SLC35F4: variants seen among roughly 807,000 people sequenced by gnomAD.
SLC35F4 encodes the protein solute carrier family 35 member F4, also known as chromosome 14 open reading frame 36.
A neutral mutation model predicts 44.2 loss-of-function variants in SLC35F4; 24 were observed. That is an observed-to-expected ratio of 0.54 (90% CI 0.39 to 0.76). The LOEUF is 0.76. Ranked by LOEUF, SLC35F4 falls within the 30% of genes least tolerant of loss-of-function variation. The probability of loss-of-function intolerance (pLI) is 0.00; values close to 1 mark genes in which losing one functional copy is unlikely to be tolerated. For missense variants in SLC35F4, 562 were observed against 586.1 expected (o/e 0.96, Z 0.42); for synonymous variants, 238 against 223.6 (o/e 1.06, Z -0.57).
chr14:57,849,919 A>G (rs1010292560), intron 1 of SLC35F4, among the ~76,000 whole-genome samples: 1 of 152,224 alleles, frequency 6.6e-6, no homozygotes, highest in African/African-American at 2.4e-5. Flanking sequence ...TTTGGAAACC[A>G]GTACGTCTTG....
chr14:57,818,129 A>G (rs558785816), intron 1 of SLC35F4, among the ~76,000 whole-genome samples: 16 of 152,220 alleles, frequency 1.1e-4, no homozygotes, highest in Non-Finnish European at 1.8e-4. Flanking sequence ...AGATGTTAGC[A>G]CTTAATAATC....
intron 1 of SLC35F4, among the ~76,000 whole-genome samples, chr14:57,926,648 T>G (rs1889576636): frequency 6.8e-6 from 1 of 147,654 alleles, no homozygotes; most frequent in South Asian, 2.2e-4. Context: ...AACCTTACAA[T>G]TAATATGATT....
At chr14:57,618,669 C>T (rs575803585) in intron 1 of SLC35F4, among the ~76,000 whole-genome samples, 1 of 152,304 alleles carries the variant, frequency 6.6e-6, no homozygotes, top group Middle Eastern at 3.4e-3. Context: ...CCAGGGGCAC[C>T]TGCAATGCCA....
intron 1 of SLC35F4, among the ~76,000 whole-genome samples, chr14:57,929,873 G>A (rs565300571): frequency 6.6e-6 from 1 of 152,290 alleles, no homozygotes; most frequent in African/African-American, 2.4e-5. Flanking sequence ...TCTCACAGAA[G>A]CTTTGGGATG....
At chr14:57,877,804 C>T (rs2141030699) in intron 1 of SLC35F4, among the ~76,000 whole-genome samples, 1 of 149,320 alleles carries the variant, frequency 6.7e-6, no homozygotes, top group African/African-American at 2.5e-5. Context: ...TCTCTCTCAG[C>T]CTCCCAAGTA....
intron 1 of SLC35F4, among the ~76,000 whole-genome samples, chr14:57,761,440 T>C (rs2077122304): frequency 1.3e-5 from 2 of 152,118 alleles, no homozygotes; most frequent in Admixed American, 1.3e-4. Context: ...ATTGTAAAAA[T>C]ACATTATAAA....
intron 1 of SLC35F4, among the ~76,000 whole-genome samples, chr14:57,848,820 A>T (rs964144810): frequency 1.3e-5 from 2 of 152,170 alleles, no homozygotes; most frequent in Non-Finnish European, 2.9e-5. Flanking sequence ...TAAGCTCAGG[A>T]TTCCTCGACT....
At chr14:57,701,284 A>G (rs1412133871) in intron 1 of SLC35F4, among the ~76,000 whole-genome samples, 2 of 152,152 alleles carry the variant, frequency 1.3e-5, no homozygotes, top group African/African-American at 2.4e-5. Context: ...AAGAGCAATA[A>G]CATGCATGGA....
intron 1 of SLC35F4, among the ~76,000 whole-genome samples, chr14:57,830,932 T>A (rs1443262830): frequency 6.6e-6 from 1 of 152,164 alleles, no homozygotes; most frequent in Non-Finnish European, 1.5e-5. Flanking sequence ...TCAACAGCAC[T>A]TGTATAGAGA....
intron 1 of SLC35F4, among the ~76,000 whole-genome samples, chr14:57,670,461 G>A (rs576484755): frequency 6.6e-6 from 1 of 151,762 alleles, no homozygotes; most frequent in African/African-American, 2.4e-5. Flanking sequence ...TTTCTCTTGT[G>A]GGCATTTAGT....
chr14:57,894,022 C>T (rs1387879539), intron 1 of SLC35F4, among the ~76,000 whole-genome samples: 2 of 152,082 alleles, frequency 1.3e-5, no homozygotes, highest in Admixed American at 1.3e-4. Flanking sequence ...TAGATCACGT[C>T]CCTGCATTAA....
chr14:57,565,347 C>G (rs1273516313), intron 7 of SLC35F4, among the ~76,000 whole-genome samples: 5 of 152,232 alleles, frequency 3.3e-5, no homozygotes, highest in Non-Finnish European at 7.3e-5. Context: ...CTCCTTAGAT[C>G]TCTCCCCTTA....
At chr14:57,935,847 T>A (rs1889785528) in intron 1 of SLC35F4, among the ~76,000 whole-genome samples, 1 of 152,238 alleles carries the variant, frequency 6.6e-6, no homozygotes, top group African/African-American at 2.4e-5. Context: ...AATTCCAATT[T>A]AAAATTAGGA....
At chr14:57,675,799 T>C (rs1036338330) in intron 1 of SLC35F4, among the ~76,000 whole-genome samples, 4 of 152,090 alleles carry the variant, frequency 2.6e-5, no homozygotes, top group Non-Finnish European at 5.9e-5. Flanking sequence ...TAATTCTGTT[T>C]ATGTCATATG....
At chr14:57,599,802 G>GAAA (rs34667001) in intron 1 of SLC35F4, among the ~76,000 whole-genome samples, 6 of 126,322 alleles carry the variant, frequency 4.7e-5, no homozygotes, top group Admixed American at 1.6e-4. Context: ...ACTCTGTCTT[G>GAAA]AAAAAAAAAA....
At chr14:57,695,613 C>T (rs952677423) in intron 1 of SLC35F4, among the ~76,000 whole-genome samples, 5 of 151,788 alleles carry the variant, frequency 3.3e-5, no homozygotes, top group Admixed American at 6.6e-5. Context: ...GTCAGTGTGG[C>T]GATTCCTCAG....
chr14:57,683,296 G>A (rs73305973), intron 1 of SLC35F4, among the ~76,000 whole-genome samples: 3,499 of 152,086 alleles, frequency 0.023, 127 homozygotes, highest in African/African-American at 0.079. Flanking sequence ...AAACAAGATA[G>A]AACAAAAATA....
At position 57,942,939 on chromosome 14, in the gene SLC35F4, G is replaced by T. The variant is rs75007344; in HGVS notation, n.282+38974C>A. Among the ~76,000 whole-genome samples the T allele has an allele frequency of 4.9e-3, 749 of 152,292 alleles. 8 individuals are homozygous for T. The highest frequency in any genetic ancestry group is 0.017 in the African/African-American group (716 of 41,554). ...GAAACTGAGATTTAAAAGCTTTAGG[G>T]ATTGGTTCAAGGTCACATACTTAGT... On this transcript the variant is annotated intron_variant and non_coding_transcript_variant, in intron 1 of 1. Transcript: ENST00000556568.
chr14:57,900,515 T>C (rs903163626), intron 1 of SLC35F4, among the ~76,000 whole-genome samples: 2 of 152,214 alleles, frequency 1.3e-5, no homozygotes, highest in Non-Finnish European at 2.9e-5. Flanking sequence ...AGAGACTCCA[T>C]ATTGGGAAGC....
Sources: gnomAD v4.1 joint callset for allele counts (sites outside exome capture counted in the v4.1 genomes callset) on GRCh38, gnomAD v4.1.1 for gene constraint, MANE v1.5 for transcripts, NCBI Gene and HGNC (gene_info 2026-07-23, HGNC 2026-07-21) for gene names.